IGF2R: variants seen among roughly 807,000 people sequenced by gnomAD.
IGF2R encodes the protein insulin like growth factor 2 receptor.
IGF2R carries 91 observed loss-of-function variants against 270.6 expected under a neutral mutation model. That is an observed-to-expected ratio of 0.34 (90% CI 0.28 to 0.40). The LOEUF is 0.40. IGF2R is among the 10% of genes least tolerant of loss of function. IGF2R has a pLI of 1.00. For synonymous variants in IGF2R, 1,316 were observed against 1,258.9 expected (o/e 1.05, Z -0.96); for missense variants, 2,805 against 3,188.3 (o/e 0.88, Z 2.90).
intron 47 of IGF2R, among the ~76,000 whole-genome samples, chr6:160,104,309 A>G (rs898803510): frequency 2.0e-5 from 3 of 151,982 alleles, no homozygotes; most frequent in African/African-American, 4.8e-5. Flanking sequence ...CTTTCAGTCT[A>G]TGAGTAGCCC....
chr6:160,092,245 G>A (rs571563198), intron 44 of IGF2R, among the ~76,000 whole-genome samples: 5 of 137,302 alleles, frequency 3.6e-5, no homozygotes, highest in African/African-American at 8.5e-5. Flanking sequence ...GGGTGACACC[G>A]CTGGTGTGTC....
At chr6:160,024,990 G>A (rs1562347463) in intron 5 of IGF2R, among the ~76,000 whole-genome samples, 1 of 152,110 alleles carries the variant, frequency 6.6e-6, no homozygotes, top group Non-Finnish European at 1.5e-5. Flanking sequence ...TTCTACAGAA[G>A]TGAGGGTCGG....
At chr6:159,988,845 A>G (rs1368409446) in intron 1 of IGF2R, among the ~76,000 whole-genome samples, 4 of 151,888 alleles carry the variant, frequency 2.6e-5, no homozygotes, top group African/African-American at 9.7e-5. Flanking sequence ...TCATTGCTGT[A>G]CTCTCCTGTG....
In IGF2R at chr6:160,067,547, A is replaced by C. The variant is rs573366229; in HGVS notation, c.4116-702A>C. ...CTGTTTTGTTTAATACAGTACCCCCAGTTTAGCACACAGCTTTTGAATGAA... is the reference window on the plus strand; with the variant it reads ...CTGTTTTGTTTAATACAGTACCCCCCGTTTAGCACACAGCTTTTGAATGAA... On this transcript the variant is annotated intron_variant, in intron 29 of 47. Transcript: ENST00000356956. Among the ~76,000 whole-genome samples, 10 of 152,260 alleles carry C rather than the reference A, an allele frequency of 6.6e-5. 1 individual carries two copies. Among genetic ancestry groups the C allele is most frequent in the Admixed American group, 6.5e-4 (10 of 15,300 alleles).
intron 31 of IGF2R, among the ~76,000 whole-genome samples, chr6:160,070,905 G>GGGGCC (rs1201113339): frequency 3.9e-5 from 6 of 152,210 alleles, no homozygotes; most frequent in African/African-American, 1.4e-4. Context: ...CAGAGGCTTA[G>GGGGCC]TCCAGACTCA....
In IGF2R at chr6:160,043,231, G is replaced by A; in HGVS notation, c.1564G>A (p.Val522Met). Residue 522 changes from valine to methionine, a missense_variant, in exon 12 of 48, where the codon GTG becomes ATG. By Grantham distance (21) the Val-to-Met change is conservative (BLOSUM62 1). Transcript: ENST00000356956. Reference sequence around the variant, plus strand: ...TTTTTTCATTAATATTTGTCACAGAGTGCTGCAGGAAGGCAAGGCACGAGG... The same window carrying A: ...TTTTTTCATTAATATTTGTCACAGAATGCTGCAGGAAGGCAAGGCACGAGG... ...KHFFINICHRVLQEGKARGCP... is the reference protein window; with the variant it reads ...KHFFINICHRMLQEGKARGCP... 1 of 1,614,228 alleles carries A rather than the reference G, an allele frequency of 6.2e-7. No individual in the cohort carries two copies. The highest frequency in any genetic ancestry group is 8.5e-7 in the Non-Finnish European group (1 of 1,180,034).
intron 35 of IGF2R, among the ~76,000 whole-genome samples, chr6:160,074,933 G>C (rs751194934): frequency 1.8e-4 from 28 of 152,324 alleles, no homozygotes; most frequent in Non-Finnish European, 3.4e-4. Flanking sequence ...GCAGACCGGG[G>C]ATCCTCGATC....
chr6:159,970,709 A>C (rs1206751879), intron 1 of IGF2R, among the ~76,000 whole-genome samples: 1 of 152,230 alleles, frequency 6.6e-6, no homozygotes, highest in East Asian at 1.9e-4. Flanking sequence ...AAATGGTGGC[A>C]GCTTAAACGA....
intron 45 of IGF2R, among the ~76,000 whole-genome samples, chr6:160,099,813 T>A (rs536248086): frequency 4.6e-4 from 70 of 152,276 alleles, no homozygotes; most frequent in Non-Finnish European, 2.9e-4. Flanking sequence ...GTGTCTAAGC[T>A]GAGAGGGGTG....
chr6:160,043,384 CCT>C lies in IGF2R; in HGVS notation c.1621+99_1621+100del, dbSNP rs8191777. 3.0e-4 allele frequency: 405 copies of C among 1,332,466 alleles called. No homozygotes were observed. In the African/African-American group the frequency reaches 5.5e-3, roughly 18 times the overall value. 82.5% of individuals were successfully genotyped at this position (1,332,466 alleles called of 1,614,324 possible). On this transcript the variant is annotated intron_variant, in intron 12 of 47. Coordinates refer to ENST00000356956, the MANE Select transcript of IGF2R (RefSeq NM_000876.4). Reference sequence around the variant, plus strand: ...ATCTTTCTGTGGTTCATCTAAGCCTCCTCTTTCTATAATCACATGAAGGATGG... The same window carrying C: ...ATCTTTCTGTGGTTCATCTAAGCCTCCTTTCTATAATCACATGAAGGATGG...
chr6:160,060,927 A>G (rs1469779052), intron 23 of IGF2R, among the ~76,000 whole-genome samples: 1 of 152,230 alleles, frequency 6.6e-6, no homozygotes, highest in Non-Finnish European at 1.5e-5. Flanking sequence ...CTGACTATAT[A>G]GTTAATGGTT....
chr6:160,044,460 G>A, intron 12 of IGF2R, 54 bp from the exon 13 acceptor site: 5 of 1,315,662 alleles, frequency 3.8e-6, no homozygotes, highest in Non-Finnish European at 5.3e-6. Context: ...TTCTTTGTCT[G>A]CGTGATGATC....
Position 160,040,621 on chromosome 6 carries a change from A to G in IGF2R, c.1377A>G (p.Thr459=), listed in dbSNP as rs1321965992. 1.9e-6 allele frequency: 3 copies of G among 1,614,084 alleles called. No homozygotes were observed. The highest frequency in any genetic ancestry group is 2.5e-6 in the Non-Finnish European group (3 of 1,179,938). Residue 459 remains threonine, a synonymous_variant, in exon 11 of 48, where the codon ACA becomes ACG. Transcript: ENST00000356956. ...AGGTTGACTGCACCTACTTCTTCAC[A>G]TGGGACACGGAATACGCCTGTGTTA... ...TGEVDCTYFF[T]WDTEYACVKE...
chr6:160,071,920 C>A lies in IGF2R; in HGVS notation c.4454C>A (p.Pro1485His). ...TCSESQVNSR[P>H]MFISAVEDCE... The stretch of plus-strand genomic sequence containing the variant: ...TGTGCTTTGTTGTAGAACTCCAGGC[C>A]CATGTTCATCAGCGCCGTGGAGGAC... The change falls in exon 32 of 48, where the codon CCC (proline) becomes CAC (histidine). Residue 1485 changes from proline to histidine, a missense_variant. Physicochemically the swap from Pro to His is moderately conservative, Grantham distance 77 (BLOSUM62 -2). Transcript: ENST00000356956. 1 of 1,614,088 alleles carries A rather than the reference C, an allele frequency of 6.2e-7. No individual in the cohort carries two copies.
chr6:160,050,322 T>G lies in IGF2R; in HGVS notation c.2515-151T>G, dbSNP rs1353227228. The G allele has an allele frequency of 7.8e-6, 6 of 774,040 alleles. No individual in the cohort carries two copies. The highest frequency in any genetic ancestry group is 1.2e-5 in the Non-Finnish European group (6 of 484,660). 47.9% of individuals were successfully genotyped at this position (774,040 alleles called of 1,614,324 possible). A position where few individuals can be genotyped will look rare whatever the true frequency, so the allele number is the denominator to read the frequency against. On this transcript the variant is annotated intron_variant, in intron 18 of 47. Coordinates refer to ENST00000356956, the MANE Select transcript of IGF2R (RefSeq NM_000876.4). The surrounding 1 kb of genome is among the most constrained non-coding windows in gnomAD (Gnocchi z 4.0). The stretch of plus-strand genomic sequence containing the variant: ...TAACTCTTTGAGGATGGTTTCCTAT[T>G]CCATATGTAATAAGGGGATTTCCCC...
chr6:160,088,069 C>T lies in IGF2R; in HGVS notation c.6242C>T (p.Pro2081Leu), dbSNP rs151080511. 25 of 1,613,452 alleles carry T rather than the reference C, an allele frequency of 1.5e-5. No individual in the cohort carries two copies. In the African/African-American group the frequency reaches 1.7e-4, roughly 11 times the overall value. ...GTTGTCACGTACTCCAAAGGTTATC[C>T]GTGTGGTGGAAATAAGACCGCATCC... ...KVVVTYSKGY[P>L]CGGNKTASSV... Residue 2081 changes from proline (P) to leucine (L), a missense_variant, in exon 42 of 48, where the codon CCG (proline) becomes CTG (leucine). By Grantham distance (98) the Pro-to-Leu change is moderately conservative. Coordinates refer to ENST00000356956, the MANE Select transcript of IGF2R (RefSeq NM_000876.4).
chr6:160,085,442 GATCAAGTGCCTAAATTGGC>G (rs1779079886), intron 41 of IGF2R, among the ~76,000 whole-genome samples: 1 of 152,242 alleles, frequency 6.6e-6, no homozygotes, highest in Admixed American at 6.5e-5. Flanking sequence ...TCTAGCTGTA[GATCAAGTGCCTAAATTGGC>G]ATAAACACAC....
intron 1 of IGF2R, among the ~76,000 whole-genome samples, chr6:159,978,356 A>T (rs13196239): frequency 6.6e-6 from 1 of 151,296 alleles, no homozygotes; most frequent in Admixed American, 6.6e-5. Context: ...TGGAGTTTGG[A>T]TGGGGGCCGG....
At position 160,075,744 on chromosome 6, in the gene IGF2R, C is replaced by T. The variant is rs78740353; in HGVS notation, c.5167-103C>T. 5,157 of 1,177,972 alleles carry T rather than the reference C, an allele frequency of 4.4e-3. 25 individuals are homozygous for T. Among genetic ancestry groups the T allele is most frequent in the Non-Finnish European group, 5.2e-3 (4,214 of 814,598 alleles). The allele number at this position is 1,177,972 out of a possible 1,614,324, so 73.0% of individuals were successfully genotyped here. On this transcript the variant is annotated intron_variant, in intron 35 of 47. Coordinates refer to ENST00000356956, the MANE Select transcript of IGF2R (RefSeq NM_000876.4). ...CTTTAGATGCTGCTCATTCTCAGAA[C>T]CTATGAGGTCTGGTTTTTGCAATTC...
Sources: gnomAD v4.1 joint callset for allele counts (sites outside exome capture counted in the v4.1 genomes callset) on GRCh38, gnomAD v4.1.1 for gene constraint, Gnocchi (gnomAD v3.1) non-coding constraint, MANE v1.5 for transcripts, NCBI Gene and HGNC (gene_info 2026-07-23, HGNC 2026-07-21) for gene names.